Variants in SP100 observed in about 807,000 individuals in gnomAD.
SP100 encodes the protein nuclear autoantigen Sp-100.
Under a neutral mutation model 130.0 loss-of-function variants are expected in SP100, and 84 were observed. That is an observed-to-expected ratio of 0.65 (90% CI 0.54 to 0.77). The LOEUF is 0.77. Ranked by LOEUF, SP100 falls within the 30% of genes least tolerant of loss-of-function variation. The pLI, the probability that SP100 is intolerant of heterozygous loss-of-function variation, is 0.00. For synonymous variants in SP100, 331 were observed against 351.7 expected, an observed-to-expected ratio of 0.94 and a Z score of 0.66; for missense variants, 978 against 1,052.2, an observed-to-expected ratio of 0.93 and a Z score of 0.97.
intron 3 of SP100, among the ~76,000 whole-genome samples, 185 bp downstream of exon 3, chr2:230,443,284 C>T (rs897352277): frequency 2.0e-5 from 3 of 152,110 alleles, no homozygotes; most frequent in Admixed American, 6.5e-5. Flanking sequence ...AAGCAGAGGT[C>T]GCCGGAGATG....
intron 24 of SP100, among the ~76,000 whole-genome samples, chr2:230,530,156 A>G (rs998379707): frequency 6.6e-6 from 1 of 152,230 alleles, no homozygotes; most frequent in East Asian, 1.9e-4. Flanking sequence ...AGCTAGAGGT[A>G]TCATGCTACC....
chr2:230,535,906 C>CAAAAAAAAAAAAAAAAAAAAA (rs34684038), intron 24 of SP100, among the ~76,000 whole-genome samples: 1 of 47,598 alleles, frequency 2.1e-5, no homozygotes, highest in African/African-American at 1.1e-4. Context: ...GACTCCATCT[C>CAAAAAAAAAAAAAAAAAAAAA]AAAAAAAAAA....
At chr2:230,523,806 G>A (rs1279131975) in intron 24 of SP100, among the ~76,000 whole-genome samples, 1 of 152,032 alleles carries the variant, frequency 6.6e-6, no homozygotes, top group Non-Finnish European at 1.5e-5. Flanking sequence ...CTACTCAGGA[G>A]GCTAAGGCAG....
At chr2:230,530,195 G>A (rs1007151332) in intron 24 of SP100, among the ~76,000 whole-genome samples, 4 of 152,144 alleles carry the variant, frequency 2.6e-5, no homozygotes, top group Non-Finnish European at 5.9e-5. Context: ...CAAGACTACA[G>A]TAACCAAAAC....
intron 25 of SP100, among the ~76,000 whole-genome samples, chr2:230,539,757 G>A (rs996349047): frequency 1.3e-5 from 2 of 152,174 alleles, no homozygotes; most frequent in African/African-American, 4.8e-5. Context: ...AGCCAGTGCT[G>A]CAGCAGTCTA....
Position 230,504,308 on chromosome 2 carries a change from T to A in SP100, c.1870+18T>A. The A allele has an allele frequency of 7.2e-7, 1 of 1,390,640 alleles. No homozygotes were observed. Among genetic ancestry groups the A allele is most frequent in the South Asian group, 1.2e-5 (1 of 83,604 alleles). 86.1% of individuals were successfully genotyped at this position (1,390,640 alleles called of 1,614,324 possible). A position where few individuals can be genotyped will look rare whatever the true frequency, so the allele number is the denominator to read the frequency against. ...CAAACAAGGTGAGTTTACTGGTCCATCTACGATTTTCAGCTGGAAAATATC... is the reference window on the plus strand; with the variant it reads ...CAAACAAGGTGAGTTTACTGGTCCAACTACGATTTTCAGCTGGAAAATATC... On this transcript the variant is annotated intron_variant, in intron 21 of 28. Transcript: ENST00000340126.
chr2:230,511,819 A>C (rs1690609848), intron 24 of SP100, among the ~76,000 whole-genome samples: 1 of 152,210 alleles, frequency 6.6e-6, no homozygotes, highest in East Asian at 1.9e-4. Flanking sequence ...AATGATGTAC[A>C]AACCTGATTC....
At chr2:230,494,507 T>A (rs1377402270) in intron 18 of SP100, 47 bp downstream of exon 18, 1 of 1,426,916 alleles carries the variant, frequency 7.0e-7, no homozygotes, top group Admixed American at 1.7e-5. Context: ...GCTGTGGTCC[T>A]GTTCTTCCTG....
At chr2:230,522,171 G>T (rs999581429) in intron 24 of SP100, among the ~76,000 whole-genome samples, 5 of 152,150 alleles carry the variant, frequency 3.3e-5, no homozygotes, top group African/African-American at 1.2e-4. Context: ...GATGGAGAAA[G>T]GAAAACACTC....
intron 15 of SP100, chr2:230,470,553 T>C (rs2065215969): frequency 3.0e-6 from 1 of 327,992 alleles, no homozygotes; most frequent in Non-Finnish European, 4.4e-6. Flanking sequence ...TTTTGGTAGA[T>C]GTCCTTCATC....
rs1295697627 is a variant in SP100, at chr2:230,544,203, A to C, written c.*1257A>C. The stretch of plus-strand genomic sequence containing the variant: ...CTATGAAGACTCTGGAAGACAACCT[A>C]GGCAATACCATCCTGGACATAGGAA... On this transcript the variant is annotated 3_prime_UTR_variant, in exon 29 of 29. Transcript: ENST00000340126. 6.6e-6 allele frequency: 1 copy of C among 152,134 alleles called. No individual in the cohort carries two copies. The highest frequency in any genetic ancestry group is 6.5e-5 in the Admixed American group (1 of 15,282). The allele number at this position is 152,134 out of a possible 1,614,324, so 9.4% of individuals were successfully genotyped here.
intron 13 of SP100, 51 bp downstream of exon 13, chr2:230,467,266 C>T (rs771080242): frequency 7.9e-7 from 1 of 1,268,300 alleles, no homozygotes; most frequent in South Asian, 1.2e-5. Context: ...GCACCTCTTC[C>T]CTGATGCACT....
In SP100 at chr2:230,443,109, G is replaced by C; in HGVS notation, c.270+10G>C. On this transcript the variant is annotated intron_variant, in intron 3 of 28. Coordinates refer to ENST00000340126, the MANE Select transcript of SP100 (RefSeq NM_001080391.2). The stretch of plus-strand genomic sequence containing the variant: ...AAATAAAATGTTTGAAGTAAGTAAA[G>C]TTTATTATGTCACAATCTGGTAAAG... The C allele has an allele frequency of 1.9e-6, 3 of 1,612,950 alleles. No homozygotes were observed. Among genetic ancestry groups the C allele is most frequent in the Non-Finnish European group, 2.5e-6 (3 of 1,179,214 alleles).
At position 230,544,680 on chromosome 2, in the gene SP100, C is replaced by T. The variant is rs1272398963; in HGVS notation, c.*1734C>T. Among the ~76,000 whole-genome samples, 2 of 152,090 alleles carry T rather than the reference C, an allele frequency of 1.3e-5. No homozygotes were observed. The highest frequency in any genetic ancestry group is 4.8e-5 in the African/African-American group (2 of 41,414). On this transcript the variant is annotated 3_prime_UTR_variant, in exon 29 of 29. Coordinates refer to ENST00000340126, the MANE Select transcript of SP100 (RefSeq NM_001080391.2). ...TATTTTAGTAGAGACGGGGTTTCTCCACATTGGTCAGGCTGGTCTTGAACT... is the reference window on the plus strand; with the variant it reads ...TATTTTAGTAGAGACGGGGTTTCTCTACATTGGTCAGGCTGGTCTTGAACT...
At chr2:230,480,535 T>C (rs1431440806) in intron 17 of SP100, among the ~76,000 whole-genome samples, 2 of 152,210 alleles carry the variant, frequency 1.3e-5, no homozygotes, top group African/African-American at 4.8e-5. Context: ...TGACTACATG[T>C]TCTCAGTAGG....
chr2:230,543,034 A>C lies in SP100; in HGVS notation c.*88A>C. On this transcript the variant is annotated 3_prime_UTR_variant, in exon 29 of 29. Coordinates refer to ENST00000340126, the MANE Select transcript of SP100 (RefSeq NM_001080391.2). Reference sequence around the variant, plus strand: ...ACTAATCTGTGACTGCTCCTGTGGAAACTCCACATCACAATTCTCCAAAAT... The same window carrying C: ...ACTAATCTGTGACTGCTCCTGTGGACACTCCACATCACAATTCTCCAAAAT... The C allele has an allele frequency of 1.5e-6, 1 of 680,252 alleles. No individual in the cohort carries two copies. The highest frequency in any genetic ancestry group is 2.0e-5 in the South Asian group (1 of 49,702). The allele number at this position is 680,252 out of a possible 1,614,324, so 42.1% of individuals were successfully genotyped here.
intron 24 of SP100, among the ~76,000 whole-genome samples, chr2:230,528,613 C>T (rs187043449): frequency 1.3e-5 from 2 of 152,096 alleles, no homozygotes; most frequent in East Asian, 3.9e-4. Context: ...CACAAAAAAC[C>T]CATCAAAAAA....
At chr2:230,535,490 G>A (rs1691894802) in intron 24 of SP100, among the ~76,000 whole-genome samples, 1 of 152,154 alleles carries the variant, frequency 6.6e-6, no homozygotes, top group African/African-American at 2.4e-5. Flanking sequence ...ATTGAGAGGA[G>A]CATTACTCTT....
Position 230,444,309 on chromosome 2 carries a change from C to A in SP100, c.402C>A (p.Tyr134Ter). Reference protein sequence around the residue: ...ALFSDVNMQEYPDLIHIYKGF... With the variant: ...ALFSDVNMQE Reference sequence around the variant, plus strand: ...TCAGCGATGTCAACATGCAGGAATACCCCGATTTAATTCACATTTATAAAG... The same window carrying A: ...TCAGCGATGTCAACATGCAGGAATAACCCGATTTAATTCACATTTATAAAG... Residue 134 changes from tyrosine (Y) to a stop codon, truncating the protein, a stop_gained, in exon 4 of 29, where the codon TAC becomes TAA. Coordinates refer to ENST00000340126, the MANE Select transcript of SP100 (RefSeq NM_001080391.2). LOFTEE classifies it high-confidence loss of function. 6.2e-7 allele frequency: 1 copy of A among 1,612,764 alleles called. No homozygotes were observed. The highest frequency in any genetic ancestry group is 1.1e-5 in the South Asian group (1 of 90,724).
Sources: allele counts gnomAD v4.1 joint callset (sites outside exome capture counted in the v4.1 genomes callset), GRCh38; gene constraint gnomAD v4.1.1; transcripts MANE v1.5; gene names NCBI Gene and HGNC (gene_info 2026-07-23, HGNC 2026-07-21).